IGSF9B: variants seen among roughly 807,000 people sequenced by gnomAD.
The protein encoded by IGSF9B is protein turtle homolog B.
IGSF9B carries 48 observed loss-of-function variants against 143.7 expected under a neutral mutation model. The ratio of observed to expected loss-of-function variants is 0.33; its 90% CI spans 0.26 to 0.42. IGSF9B has a LOEUF of 0.42. IGSF9B is among the 20% of genes least tolerant of loss of function. The pLI, the probability that IGSF9B is intolerant of heterozygous loss-of-function variation, is 1.00. For missense variants in IGSF9B, 1,706 were observed against 1,980.0 expected (o/e 0.86, Z 2.63); for synonymous variants, 903 against 833.1 (o/e 1.08, Z -1.44).
Position 133,905,476 on chromosome 11 carries a change from G to A in IGSF9B, c.*3593C>T, listed in dbSNP as rs1483560229. Among the ~76,000 whole-genome samples, 1 of 152,150 alleles carries A rather than the reference G, an allele frequency of 6.6e-6. No homozygotes were observed. Among genetic ancestry groups the A allele is most frequent in the East Asian group, 1.9e-4 (1 of 5,188 alleles). ...CCCCAGTTTCCTCAGCACAAAAAGG[G>A]CAGAGGAATAAATTAAATCAGTTCA... is the stretch of plus-strand genomic sequence containing the variant. On this transcript the variant is annotated 3_prime_UTR_variant, in exon 20 of 20. Transcript: ENST00000533871. This position sits in a 1 kb window ranked among gnomAD's most constrained non-coding sequence, Gnocchi z 4.0.
In IGSF9B at chr11:133,931,392, C is replaced by A. The variant is rs1248033847; in HGVS notation, c.1368+61G>T. The A allele has an allele frequency of 3.2e-6, 4 of 1,242,884 alleles. No homozygotes were observed. The highest frequency in any genetic ancestry group is 1.3e-5 in the South Asian group (1 of 77,174). 77.0% of individuals were successfully genotyped at this position (1,242,884 alleles called of 1,614,324 possible). ...GCTGGGCCCTCAAACCTCCCCGCAG[C>A]CCCAGGGCTCCCTGGGCCCTCACAC... is the stretch of plus-strand genomic sequence containing the variant. On this transcript the variant is annotated intron_variant, in intron 10 of 19. Transcript: ENST00000533871. This position sits in a 1 kb window ranked among gnomAD's most constrained non-coding sequence, Gnocchi z 7.7.
At chr11:133,939,746 C>G (rs902405157) in intron 3 of IGSF9B, among the ~76,000 whole-genome samples, 4 of 151,952 alleles carry the variant, frequency 2.6e-5, no homozygotes, top group Admixed American at 1.3e-4. Flanking sequence ...CTCGCACGTC[C>G]TTGCACGCGT....
rs1940033219 is a variant in IGSF9B, at chr11:133,945,640, G to A, written c.262+421C>T. The stretch of plus-strand genomic sequence containing the variant: ...CAGACACCAGGCACCTGCAAACGGT[G>A]GGAGGCCAAAGATTCATCCATACAC... On this transcript the variant is annotated intron_variant, in intron 2 of 19. Coordinates refer to ENST00000533871, the MANE Select transcript of IGSF9B (RefSeq NM_001277285.4). This position sits in a 1 kb window ranked among gnomAD's most constrained non-coding sequence, Gnocchi z 4.6. 6.6e-6 allele frequency among the ~76,000 whole-genome samples: 1 copy of A among 152,142 alleles called. No individual in the cohort carries two copies. The highest frequency in any genetic ancestry group is 2.4e-5 in the African/African-American group (1 of 41,450).
intron 17 of IGSF9B, 135 bp from the exon 18 acceptor site, chr11:133,921,532 G>C: frequency 1.6e-6 from 1 of 643,282 alleles, no homozygotes; most frequent in Non-Finnish European, 2.5e-6. Context: ...ATCGTGGTGT[G>C]AAATGCTTTG....
In IGSF9B at chr11:133,921,186, T is replaced by C; in HGVS notation, c.2539A>G (p.Ile847Val). 6.2e-7 allele frequency: 1 copy of C among 1,608,920 alleles called. No homozygotes were observed. The highest frequency in any genetic ancestry group is 2.2e-5 in the East Asian group (1 of 44,752). The change falls in exon 18 of 20, where the codon ATC (isoleucine) becomes GTC (valine). Residue 847 changes from isoleucine (I) to valine (V), a missense_variant. Around this residue, in one of 7 missense-constraint regions of IGSF9B, gnomAD observed 135 missense variants for 181.3 expected, o/e 0.74. Coordinates refer to ENST00000533871, the MANE Select transcript of IGSF9B (RefSeq NM_001277285.4). Reference sequence around the variant, plus strand: ...TCAGGGCCTCTGCTGATGAGCTCGATGGGCGTGGTGGCCTCTGCCTCGGCC... The same window carrying C: ...TCAGGGCCTCTGCTGATGAGCTCGACGGGCGTGGTGGCCTCTGCCTCGGCC... Reference protein sequence around the residue: ...AEAEAEATTPIELISRGPDGR... With the variant: ...AEAEAEATTPVELISRGPDGR...
chr11:133,945,077 T>C lies in IGSF9B; in HGVS notation c.263-711A>G, dbSNP rs1488146084. Among the ~76,000 whole-genome samples, 1 of 152,174 alleles carries C rather than the reference T, an allele frequency of 6.6e-6. No homozygotes were observed. The highest frequency in any genetic ancestry group is 1.9e-4 in the East Asian group (1 of 5,182). ...GCTCTAATCCCCTGCCCCAGTAGGA[T>C]GCCATCTGTGTCTCACATGTGGCAA... On this transcript the variant is annotated intron_variant, in intron 2 of 19. Transcript: ENST00000533871. The surrounding 1 kb of genome is among the most constrained non-coding windows in gnomAD (Gnocchi z 4.6).
In IGSF9B at chr11:133,948,511, G is replaced by C. The variant is rs1940099857; in HGVS notation, c.65-2253C>G. ...CAGCCTCACCTCCCCCACAGCCCCA[G>C]GGGCCCTCAGCAGGAGAGGCTGCCT... On this transcript the variant is annotated intron_variant, in intron 1 of 19. Transcript: ENST00000533871. This position sits in a 1 kb window ranked among gnomAD's most constrained non-coding sequence, Gnocchi z 4.7. Among the ~76,000 whole-genome samples, 1 of 152,076 alleles carries C rather than the reference G, an allele frequency of 6.6e-6. No homozygotes were observed. Among genetic ancestry groups the C allele is most frequent in the South Asian group, 2.1e-4 (1 of 4,820 alleles).
Position 133,953,799 on chromosome 11 carries a change from A to T in IGSF9B, c.64+2892T>A, listed in dbSNP as rs1317257240. Among the ~76,000 whole-genome samples, 1 of 152,058 alleles carries T rather than the reference A, an allele frequency of 6.6e-6. No homozygotes were observed. The highest frequency in any genetic ancestry group is 1.9e-4 in the East Asian group (1 of 5,160). On this transcript the variant is annotated intron_variant, in intron 1 of 19. Transcript: ENST00000533871. The surrounding 1 kb of genome is among the most constrained non-coding windows in gnomAD (Gnocchi z 4.2). The stretch of plus-strand genomic sequence containing the variant: ...AGTAGGAACTCCCCCGGGCTGGCTC[A>T]GCAGCCGTCTGAGATACTGAGTGCA...
chr11:133,946,859 G>A (rs118022351), intron 1 of IGSF9B, among the ~76,000 whole-genome samples: 79 of 152,324 alleles, frequency 5.2e-4, no homozygotes, highest in Non-Finnish European at 7.8e-4. Context: ...GCTCAGCCGA[G>A]GCTGCTCGTG....
intron 5 of IGSF9B, among the ~76,000 whole-genome samples, chr11:133,937,100 A>G (rs1462301709): frequency 6.6e-6 from 1 of 152,184 alleles, no homozygotes; most frequent in African/African-American, 2.4e-5. Flanking sequence ...CTATCTGAAC[A>G]GAAGGAGAAA....
intron 1 of IGSF9B, among the ~76,000 whole-genome samples, chr11:133,949,171 A>G (rs1940114034): frequency 6.6e-6 from 1 of 152,170 alleles, no homozygotes; most frequent in Admixed American, 6.5e-5. Context: ...CACATCCCAA[A>G]GAGGATAAGC....
In IGSF9B at chr11:133,953,854, A is replaced by T. The variant is rs1281222143; in HGVS notation, c.64+2837T>A. 1.3e-5 allele frequency among the ~76,000 whole-genome samples: 2 copies of T among 152,122 alleles called. No individual in the cohort carries two copies. Among genetic ancestry groups the T allele is most frequent in the Non-Finnish European group, 2.9e-5 (2 of 68,028 alleles). ...AATCACTGTCTTCCAGGTTCTGGGT[A>T]CCACTCCAGCCCCTCTCTTCTCCAC... On this transcript the variant is annotated intron_variant, in intron 1 of 19. Transcript: ENST00000533871. This position sits in a 1 kb window ranked among gnomAD's most constrained non-coding sequence, Gnocchi z 4.2.
At position 133,936,199 on chromosome 11, in the gene IGSF9B, G is replaced by A; in HGVS notation, c.680-5C>T. 1 of 1,606,290 alleles carries A rather than the reference G, an allele frequency of 6.2e-7. No individual in the cohort carries two copies. Among genetic ancestry groups the A allele is most frequent in the Non-Finnish European group, 8.5e-7 (1 of 1,176,644 alleles). The stretch of plus-strand genomic sequence containing the variant: ...GGGAGACGATGAAAGGGGGCCCTGG[G>A]GAGAGCAGGGAACAAACCCCACCTC... On this transcript the variant is annotated splice_region_variant and splice_polypyrimidine_tract_variant and intron_variant, in intron 5 of 19. Transcript: ENST00000533871.
intron 3 of IGSF9B, among the ~76,000 whole-genome samples, chr11:133,943,528 C>A (rs1939990831): frequency 6.6e-6 from 1 of 152,162 alleles, no homozygotes; most frequent in Admixed American, 6.5e-5. Flanking sequence ...CAGAGCTCAG[C>A]AAGCTCTTGG....
chr11:133,929,654 C>T lies in IGSF9B; in HGVS notation c.1631+17G>A. 1 of 1,558,074 alleles carries T rather than the reference C, an allele frequency of 6.4e-7. No homozygotes were observed. Among genetic ancestry groups the T allele is most frequent in the Non-Finnish European group, 8.9e-7 (1 of 1,129,110 alleles). ...CAGAGAGCAAAGCATGCCGGGGTGACTCACAGAGGTCCGTACCAAACTGAG... is the reference window on the plus strand; with the variant it reads ...CAGAGAGCAAAGCATGCCGGGGTGATTCACAGAGGTCCGTACCAAACTGAG... On this transcript the variant is annotated intron_variant, in intron 12 of 19. Transcript: ENST00000533871.
At chr11:133,929,625 G>A in intron 12 of IGSF9B, 46 bp downstream of exon 12, 1 of 1,389,080 alleles carries the variant, frequency 7.2e-7, no homozygotes, top group Non-Finnish European at 1.0e-6. Flanking sequence ...GGGGAGGGGA[G>A]AAGCAGAGAG....
Position 133,945,971 on chromosome 11 carries a change from T to C in IGSF9B, c.262+90A>G, listed in dbSNP as rs1030428156. On this transcript the variant is annotated intron_variant, in intron 2 of 19. Coordinates refer to ENST00000533871, the MANE Select transcript of IGSF9B (RefSeq NM_001277285.4). The surrounding 1 kb of genome is among the most constrained non-coding windows in gnomAD (Gnocchi z 4.6). Reference sequence around the variant, plus strand: ...GAGACTGGGAAACAGAGATAAAGAGTGGTCAGGACAAGGCAGGGGCCAGAG... The same window carrying C: ...GAGACTGGGAAACAGAGATAAAGAGCGGTCAGGACAAGGCAGGGGCCAGAG... The C allele has an allele frequency of 1.0e-5, 8 of 778,860 alleles. No homozygotes were observed. The highest frequency in any genetic ancestry group is 2.4e-4 in the Middle Eastern group (1 of 4,096). 48.2% of individuals were successfully genotyped at this position (778,860 alleles called of 1,614,324 possible).
At chr11:133,943,178 A>ACACCCAAG (rs1294872906) in intron 3 of IGSF9B, among the ~76,000 whole-genome samples, 3 of 152,204 alleles carry the variant, frequency 2.0e-5, no homozygotes, top group African/African-American at 7.2e-5. Flanking sequence ...TGTATGTGGC[A>ACACCCAAG]CACCCAAGCA....
intron 18 of IGSF9B, among the ~76,000 whole-genome samples, chr11:133,917,377 G>T (rs1939408220): frequency 1.3e-5 from 2 of 152,108 alleles, no homozygotes; most frequent in Non-Finnish European, 1.5e-5. Flanking sequence ...GACTGCGGGG[G>T]CAGGGGGAGG....
Sources: gnomAD v4.1 joint callset for allele counts (sites outside exome capture counted in the v4.1 genomes callset) on GRCh38, gnomAD v4.1.1 for gene constraint, gnomAD v4.1.1 regional missense constraint, Gnocchi (gnomAD v3.1) non-coding constraint, MANE v1.5 for transcripts, NCBI Gene and HGNC (gene_info 2026-07-23, HGNC 2026-07-21) for gene names.